PARD3: variants seen among roughly 807,000 people sequenced by gnomAD.
PARD3 encodes the protein partitioning defective 3 homolog.
Under a neutral mutation model 155.4 loss-of-function variants are expected in PARD3, and 75 were observed. The ratio of observed to expected loss-of-function variants is 0.48; its 90% CI spans 0.40 to 0.58. The LOEUF is 0.58. Among genes scored for constraint, PARD3 ranks in the 20% least tolerant of loss-of-function variants. The pLI is 0.00. For missense variants in PARD3, 1,642 were observed against 1,721.7 expected, an observed-to-expected ratio of 0.95 and a Z score of 0.82; for synonymous variants, 576 against 610.5, an observed-to-expected ratio of 0.94 and a Z score of 0.83.
intron 1 of PARD3, among the ~76,000 whole-genome samples, chr10:34,734,800 T>A (rs1302078166): frequency 6.6e-6 from 1 of 152,142 alleles, no homozygotes; most frequent in Non-Finnish European, 1.5e-5. Flanking sequence ...AGAGAATATG[T>A]TTGCAATTTA....
chr10:34,140,862 T>G (rs1948152768), intron 22 of PARD3, among the ~76,000 whole-genome samples: 1 of 152,232 alleles, frequency 6.6e-6, no homozygotes, highest in African/African-American at 2.4e-5. Context: ...AAAGTTAGTT[T>G]CTAACAAGGG....
intron 2 of PARD3, among the ~76,000 whole-genome samples, chr10:34,567,245 A>G (rs1461570382): frequency 6.6e-6 from 1 of 152,224 alleles, no homozygotes; most frequent in Non-Finnish European, 1.5e-5. Context: ...TTATATTTGT[A>G]TTATGCGATG....
chr10:34,536,281 A>G (rs2083224795), intron 2 of PARD3, among the ~76,000 whole-genome samples: 1 of 152,240 alleles, frequency 6.6e-6, no homozygotes, highest in South Asian at 2.1e-4. Flanking sequence ...AAATCATTTA[A>G]TGTTGTTATA....
At chr10:34,671,843 G>C (rs2093615267) in intron 2 of PARD3, among the ~76,000 whole-genome samples, 1 of 141,590 alleles carries the variant, frequency 7.1e-6, no homozygotes. Context: ...ACAAAAACAT[G>C]CTTTACAGTT....
intron 22 of PARD3, among the ~76,000 whole-genome samples, chr10:34,253,313 C>T (rs999085024): frequency 1.3e-5 from 2 of 152,204 alleles, no homozygotes; most frequent in African/African-American, 4.8e-5. Context: ...ACCCCTCATG[C>T]TCCAGCAAAG....
At chr10:34,650,107 T>C (rs2092960537) in intron 2 of PARD3, among the ~76,000 whole-genome samples, 1 of 152,210 alleles carries the variant, frequency 6.6e-6, no homozygotes, top group Admixed American at 6.5e-5. Flanking sequence ...ACGGGCTTTT[T>C]TTTAAAGAAG....
At chr10:34,335,278 A>G (rs1019680399) in intron 18 of PARD3, among the ~76,000 whole-genome samples, 1 of 151,986 alleles carries the variant, frequency 6.6e-6, no homozygotes, top group Admixed American at 6.6e-5. Context: ...CCATGTTTAC[A>G]ATAATTTTTA....
chr10:34,404,022 G>A (rs4934632), intron 5 of PARD3, among the ~76,000 whole-genome samples: 87,909 of 151,990 alleles, frequency 0.58, 27,526 homozygotes, highest in African/African-American at 0.84. Context: ...CCAAACTACA[G>A]TGATAAAACA....
At chr10:34,198,577 A>G (rs906047250) in intron 22 of PARD3, among the ~76,000 whole-genome samples, 1 of 151,704 alleles carries the variant, frequency 6.6e-6, no homozygotes, top group Admixed American at 6.6e-5. Flanking sequence ...TTTTCTTTAT[A>G]CTTTTCTGCA....
intron 1 of PARD3, among the ~76,000 whole-genome samples, chr10:34,713,695 G>A (rs1319760675): frequency 6.6e-6 from 1 of 152,126 alleles, no homozygotes; most frequent in Non-Finnish European, 1.5e-5. Flanking sequence ...GAGCCCAGGA[G>A]GTCAAGGCTG....
Position 34,684,868 on chromosome 10 carries a change from T to TACAC in PARD3, c.222+11446_222+11449dup, listed in dbSNP as rs780196425. Among the ~76,000 whole-genome samples, 486 of 60,414 alleles carry TACAC rather than the reference T, an allele frequency of 8.0e-3. 7 individuals are homozygous for TACAC. The highest frequency in any genetic ancestry group is 0.017 in the African/African-American group (355 of 20,984). The allele number at this position is 60,414 out of a possible 152,430, so 39.6% of individuals were successfully genotyped here. A position where few individuals can be genotyped will look rare whatever the true frequency, so the allele number is the denominator to read the frequency against. ...ACACATATATATACATGTATATATA[T>TACAC]ACACACACATACACACACACACACA... On this transcript the variant is annotated intron_variant, in intron 2 of 24. Coordinates refer to ENST00000374788, the MANE Select transcript of PARD3 (RefSeq NM_001184785.2).
chr10:34,653,857 C>G (rs1251915991), intron 2 of PARD3, among the ~76,000 whole-genome samples: 3 of 151,734 alleles, frequency 2.0e-5, no homozygotes, highest in East Asian at 3.9e-4. Flanking sequence ...TCCAGAAGAC[C>G]CTGAGATAGC....
chr10:34,280,179 T>A (rs1449560891), intron 21 of PARD3, among the ~76,000 whole-genome samples: 1 of 152,186 alleles, frequency 6.6e-6, no homozygotes, highest in East Asian at 1.9e-4. Flanking sequence ...CTTCTTTCTG[T>A]CCCTCTTTCC....
At chr10:34,546,208 G>C in intron 2 of PARD3, among the ~76,000 whole-genome samples, 1 of 151,754 alleles carries the variant, frequency 6.6e-6, no homozygotes, top group South Asian at 2.1e-4. Context: ...TTTTTTTGAA[G>C]TTAACAGTTA....
intron 22 of PARD3, among the ~76,000 whole-genome samples, chr10:34,173,364 T>C (rs567311283): frequency 2.9e-4 from 44 of 152,330 alleles, no homozygotes; most frequent in Admixed American, 2.0e-3. Flanking sequence ...ATAAATGCAG[T>C]TCTGTTTGTC....
At chr10:34,396,121 C>T (rs951259483) in intron 7 of PARD3, among the ~76,000 whole-genome samples, 44 of 152,196 alleles carry the variant, frequency 2.9e-4, no homozygotes, top group Admixed American at 1.2e-3. Flanking sequence ...AGGCTGAGGC[C>T]GGCGGATCAC....
At chr10:34,405,438 T>C (rs961794957) in intron 5 of PARD3, among the ~76,000 whole-genome samples, 4 of 152,184 alleles carry the variant, frequency 2.6e-5, no homozygotes, top group East Asian at 1.9e-4. Flanking sequence ...ATTTAGAAAC[T>C]TGCTGACACC....
intron 24 of PARD3, among the ~76,000 whole-genome samples, chr10:34,112,874 G>A (rs1946460140): frequency 6.6e-6 from 1 of 152,162 alleles, no homozygotes. Context: ...GACTGGATGA[G>A]CATTCCATAG....
At chr10:34,357,035 T>C (rs1345236164) in intron 14 of PARD3, among the ~76,000 whole-genome samples, 2 of 152,212 alleles carry the variant, frequency 1.3e-5, no homozygotes, top group East Asian at 3.8e-4. Context: ...CAAAAATTCA[T>C]ATGGAGAAGT....
Sources: gnomAD v4.1 joint callset for allele counts (sites outside exome capture counted in the v4.1 genomes callset) on GRCh38, gnomAD v4.1.1 for gene constraint, MANE v1.5 for transcripts, NCBI Gene and HGNC (gene_info 2026-07-23, HGNC 2026-07-21) for gene names.